The following TPP2 variants were observed in gnomAD, a reference collection of about 807,000 sequenced individuals.
TPP2 encodes the protein tripeptidyl-peptidase 2.
A neutral mutation model predicts 155.9 loss-of-function variants in TPP2; 34 were observed. That is an observed-to-expected ratio of 0.22 (90% CI 0.17 to 0.29). The LOEUF is 0.29. TPP2 is among the 10% of genes least tolerant of loss of function. TPP2 has a pLI of 1.00. For synonymous variants in TPP2, 510 were observed against 529.4 expected, an observed-to-expected ratio of 0.96 and a Z score of 0.50; for missense variants, 1,028 against 1,522.3, an observed-to-expected ratio of 0.68 and a Z score of 5.40.
Position 102,630,215 on chromosome 13 carries a change from G to T in TPP2, c.1244+20G>T. Reference sequence around the variant, plus strand: ...ACCTAGGTAGGTGCAGGTAGAACGCGGAACCATTACGTATATTCGGTTAAA... The same window carrying T: ...ACCTAGGTAGGTGCAGGTAGAACGCTGAACCATTACGTATATTCGGTTAAA... On this transcript the variant is annotated intron_variant, in intron 10 of 29. Transcript: ENST00000376052. The T allele has an allele frequency of 6.3e-7, 1 of 1,575,834 alleles. No individual in the cohort carries two copies. Among genetic ancestry groups the T allele is most frequent in the South Asian group, 1.1e-5 (1 of 90,036 alleles).
chr13:102,657,428 A>T (rs1177926753), intron 25 of TPP2, among the ~76,000 whole-genome samples: 1 of 151,726 alleles, frequency 6.6e-6, no homozygotes, highest in Non-Finnish European at 1.5e-5. Flanking sequence ...TATTTTAATC[A>T]CTCTAATTTG....
rs1226983184 is a variant in TPP2, at chr13:102,623,056, T to C, written c.784+16T>C. ...ACCAGTGGAGGTATCCCATTTCAGA[T>C]TGACCAATGAGATATAGATTTATGA... On this transcript the variant is annotated intron_variant, in intron 6 of 29. Transcript: ENST00000376052. 1.2e-6 allele frequency: 2 copies of C among 1,606,626 alleles called. No individual in the cohort carries two copies. The highest frequency in any genetic ancestry group is 1.7e-6 in the Non-Finnish European group (2 of 1,177,304).
chr13:102,650,570 GT>G lies in TPP2; in HGVS notation c.2953-781del, dbSNP rs375158571. 1.2e-4 allele frequency among the ~76,000 whole-genome samples: 18 copies of G among 152,030 alleles called. No homozygotes were observed. The South Asian group carries it at 2.5e-3, about 21-fold the overall frequency. ...TGCACTGATTTAAGAAACCCTGGTA[GT>G]TTTTTTTGTAGATTTCATTTCACAG... On this transcript the variant is annotated intron_variant, in intron 23 of 29. Coordinates refer to ENST00000376052, the MANE Select transcript of TPP2 (RefSeq NM_001330588.2).
At chr13:102,619,587 T>G (rs1340592089) in intron 5 of TPP2, among the ~76,000 whole-genome samples, 1 of 152,204 alleles carries the variant, frequency 6.6e-6, no homozygotes, top group Non-Finnish European at 1.5e-5. Flanking sequence ...GCTCTCACAA[T>G]TGTTCACCTT....
intron 2 of TPP2, among the ~76,000 whole-genome samples, chr13:102,611,350 A>G (rs980983352): frequency 2.6e-5 from 4 of 152,220 alleles, no homozygotes; most frequent in African/African-American, 9.6e-5. Context: ...TTAACTGGAC[A>G]GGACATCTTC....
At chr13:102,645,868 GC>G (rs1805272936) in intron 19 of TPP2, among the ~76,000 whole-genome samples, 1 of 152,184 alleles carries the variant, frequency 6.6e-6, no homozygotes. Flanking sequence ...GCTGAGTGTG[GC>G]CCCTGCCATC....
At chr13:102,638,377 G>A in intron 15 of TPP2, 62 bp downstream of exon 15, 1 of 1,523,762 alleles carries the variant, frequency 6.6e-7, no homozygotes, top group South Asian at 1.1e-5. Context: ...TATTCATGGA[G>A]TCTTGTGGAC....
intron 6 of TPP2, among the ~76,000 whole-genome samples, chr13:102,624,643 A>G (rs1595155550): frequency 6.6e-6 from 1 of 152,168 alleles, no homozygotes; most frequent in Non-Finnish European, 1.5e-5. Flanking sequence ...TGATTTTGAG[A>G]TTCATTAATG....
intron 8 of TPP2, 122 bp downstream of exon 8, chr13:102,628,046 A>G (rs1390687597): frequency 7.8e-6 from 6 of 765,814 alleles, no homozygotes; most frequent in African/African-American, 7.1e-5. Flanking sequence ...GTTAGATGAT[A>G]ACTGTGTTCA....
chr13:102,666,766 C>CT lies in TPP2; in HGVS notation c.3371+1866dup. 3.3e-3 allele frequency among the ~76,000 whole-genome samples: 182 copies of CT among 55,742 alleles called. 1 individual carries two copies. The highest frequency in any genetic ancestry group is 6.1e-3 in the African/African-American group (80 of 13,050). 36.6% of individuals were successfully genotyped at this position (55,742 alleles called of 152,430 possible). On this transcript the variant is annotated intron_variant, in intron 27 of 29. Coordinates refer to ENST00000376052, the MANE Select transcript of TPP2 (RefSeq NM_001330588.2). The stretch of plus-strand genomic sequence containing the variant: ...TGGTCTTTATCACTGTTTTTAATCT[C>CT]TTTTTTTTTTTTTTTTTTTTTTTTT...
At chr13:102,618,982 T>A (rs1478304603) in intron 5 of TPP2, 136 bp downstream of exon 5, 10 of 1,126,320 alleles carry the variant, frequency 8.9e-6, no homozygotes, top group Middle Eastern at 5.5e-4. Flanking sequence ...AAGGGCCAAA[T>A]TGGCATCTGG....
chr13:102,633,207 G>T (rs561222252), intron 10 of TPP2, among the ~76,000 whole-genome samples: 1 of 152,268 alleles, frequency 6.6e-6, no homozygotes, highest in East Asian at 1.9e-4. Context: ...ATGTGGTTAT[G>T]AATTCTGAGG....
intron 24 of TPP2, among the ~76,000 whole-genome samples, chr13:102,656,129 A>G (rs1168110590): frequency 2.6e-5 from 4 of 152,050 alleles, no homozygotes; most frequent in Admixed American, 1.3e-4. Flanking sequence ...TTTACCCTCT[A>G]TAATCTATTT....
intron 24 of TPP2, among the ~76,000 whole-genome samples, chr13:102,655,519 C>T (rs1203086083): frequency 6.6e-6 from 1 of 152,164 alleles, no homozygotes; most frequent in Non-Finnish European, 1.5e-5. Flanking sequence ...GTGCCAAAAA[C>T]AAATCTAGCA....
chr13:102,619,115 T>G (rs1353344106), intron 5 of TPP2, among the ~76,000 whole-genome samples: 3 of 152,228 alleles, frequency 2.0e-5, no homozygotes, highest in Non-Finnish European at 4.4e-5. Flanking sequence ...TCCGTATATT[T>G]GGAAATGTTT....
rs1037934805 is a variant in TPP2, at chr13:102,609,084, A to G, written c.294+4163A>G. Among the ~76,000 whole-genome samples the G allele has an allele frequency of 1.3e-5, 2 of 152,202 alleles. 1 individual carries two copies. Among genetic ancestry groups the G allele is most frequent in the Non-Finnish European group, 2.9e-5 (2 of 68,042 alleles). On this transcript the variant is annotated intron_variant, in intron 2 of 29. Transcript: ENST00000376052. Reference sequence around the variant, plus strand: ...GGGTTTAGGGGAGGAGTGAGCAAGAAGTCTGGCCGTAGGTATTCAGGTAAC... The same window carrying G: ...GGGTTTAGGGGAGGAGTGAGCAAGAGGTCTGGCCGTAGGTATTCAGGTAAC...
Position 102,644,627 on chromosome 13 carries a change from C to G in TPP2, c.2246C>G (p.Thr749Ser). 1.9e-6 allele frequency: 3 copies of G among 1,612,770 alleles called. No homozygotes were observed. Among genetic ancestry groups the G allele is most frequent in the Non-Finnish European group, 2.5e-6 (3 of 1,179,474 alleles). The change falls in exon 18 of 30, where the codon ACC becomes AGC. Residue 749 changes from threonine to serine, a missense_variant. Coordinates refer to ENST00000376052, the MANE Select transcript of TPP2 (RefSeq NM_001330588.2). ...CTCAGTGATGTCAACATTGATTATA[C>G]CATTTCTTTCCATGGGATAGTGTGT... ...ASLSDVNIDY[T>S]ISFHGIVCTA... is the part of the protein sequence containing the mutation.
chr13:102,659,371 A>G lies in TPP2; in HGVS notation c.3143+2164A>G, dbSNP rs140392856. On this transcript the variant is annotated intron_variant, in intron 25 of 29. Coordinates refer to ENST00000376052, the MANE Select transcript of TPP2 (RefSeq NM_001330588.2). ...TTAACCTACATATCCAGGGAACTCA[A>G]TGAACTCAAAGTAAATGCAAAGAAA... Among the ~76,000 whole-genome samples the G allele has an allele frequency of 5.2e-3, 795 of 152,316 alleles. 7 individuals carry two copies. Among genetic ancestry groups the G allele is most frequent in the African/African-American group, 0.018 (742 of 41,562 alleles).
chr13:102,611,692 T>C (rs1211217148), intron 2 of TPP2, among the ~76,000 whole-genome samples: 1 of 152,154 alleles, frequency 6.6e-6, no homozygotes, highest in Non-Finnish European at 1.5e-5. Context: ...CCACTAGCAG[T>C]GTATAACAAA....
Sources: allele counts gnomAD v4.1 joint callset (sites outside exome capture counted in the v4.1 genomes callset), GRCh38; gene constraint gnomAD v4.1.1; transcripts MANE v1.5; gene names NCBI Gene and HGNC (gene_info 2026-07-23, HGNC 2026-07-21).